Variants in SLC35D4 observed in about 807,000 individuals in gnomAD.
SLC35D4 encodes solute carrier family 35 member D4.
chr18:23,404,257 G>A, the SLC35D4 span, among the ~76,000 whole-genome samples: 8,318 of 152,224 alleles, frequency 0.055, 312 homozygotes, highest in South Asian at 0.19. Flanking sequence ...CTGAATCTGC[G>A]TCCCCTCAAA....
chr18:23,435,852 T>G, the SLC35D4 span, among the ~76,000 whole-genome samples: 20 of 150,346 alleles, frequency 1.3e-4, no homozygotes, highest in South Asian at 4.3e-4. Context: ...CCCACCACCA[T>G]GCCTGGCTAA....
chr18:23,257,493 G>A, the SLC35D4 span: 1 of 1,123,868 alleles, frequency 8.9e-7, no homozygotes, highest in Non-Finnish European at 1.2e-6. Context: ...GACATAGTTT[G>A]GGGAGAAGCA....
chr18:23,387,983 G>T, the SLC35D4 span, among the ~76,000 whole-genome samples: 1 of 152,086 alleles, frequency 6.6e-6, no homozygotes, highest in South Asian at 2.1e-4. Context: ...TCCAATTCTT[G>T]GCTTGAAAGG....
the SLC35D4 span, among the ~76,000 whole-genome samples, chr18:23,313,156 A>AAAAAAAAAAAAAAAAAAAAT: frequency 3.4e-5 from 5 of 146,524 alleles, no homozygotes; most frequent in Non-Finnish European, 3.0e-5. Context: ...AAAAAAAAAA[A>AAAAAAAAAAAAAAAAAAAAT]AGAACCTGAG....
At chr18:23,275,283 T>C in the SLC35D4 span, among the ~76,000 whole-genome samples, 1 of 152,154 alleles carries the variant, frequency 6.6e-6, no homozygotes, top group Admixed American at 6.5e-5. Context: ...CCTCCAGATT[T>C]TTCTGGCCCC....
chr18:23,374,885 C>T, the SLC35D4 span, among the ~76,000 whole-genome samples: 25 of 152,072 alleles, frequency 1.6e-4, no homozygotes, highest in African/African-American at 5.3e-4. Context: ...GAGGCCAAGG[C>T]GGGCAGACCA....
chr18:23,282,996 G>A, the SLC35D4 span, among the ~76,000 whole-genome samples: 2 of 151,338 alleles, frequency 1.3e-5, no homozygotes, highest in African/African-American at 4.9e-5. Context: ...TCCCAGCCAT[G>A]GCTGGAAAAG....
chr18:23,288,486 C>T, the SLC35D4 span, among the ~76,000 whole-genome samples: 1 of 151,896 alleles, frequency 6.6e-6, no homozygotes, highest in Non-Finnish European at 1.5e-5. Flanking sequence ...GCAAATTTGC[C>T]ATTCTACTAC....
At chr18:23,437,740 C>T in the SLC35D4 span, 2 of 1,589,950 alleles carry the variant, frequency 1.3e-6, no homozygotes, top group East Asian at 2.3e-5. Context: ...CGACTCAAAC[C>T]TCCCACGTGC....
chr18:23,396,463 A>G, the SLC35D4 span, among the ~76,000 whole-genome samples: 2 of 152,230 alleles, frequency 1.3e-5, no homozygotes, highest in Non-Finnish European at 2.9e-5. Flanking sequence ...ACTCAGAAAC[A>G]AAGAAAAGAT....
chr18:23,353,894 T>A, the SLC35D4 span, among the ~76,000 whole-genome samples: 1 of 152,136 alleles, frequency 6.6e-6, no homozygotes, highest in Non-Finnish European at 1.5e-5. Context: ...CCTCATCCTA[T>A]CTTAATGGAA....
the SLC35D4 span, among the ~76,000 whole-genome samples, chr18:23,293,456 T>C: frequency 6.6e-6 from 1 of 152,262 alleles, no homozygotes; most frequent in Non-Finnish European, 1.5e-5. Flanking sequence ...ATGTGATATT[T>C]TACATTCTTT....
chr18:23,411,932 T>G, the SLC35D4 span, among the ~76,000 whole-genome samples: 1 of 152,250 alleles, frequency 6.6e-6, no homozygotes, highest in Non-Finnish European at 1.5e-5. Flanking sequence ...TAGCTCTTCA[T>G]GGGTGCTGAA....
At chr18:23,308,778 A>G in the SLC35D4 span, among the ~76,000 whole-genome samples, 1 of 152,160 alleles carries the variant, frequency 6.6e-6, no homozygotes, top group African/African-American at 2.4e-5. Context: ...AAACAGGATC[A>G]TTTGGAGCTT....
At chr18:23,370,352 A>C in the SLC35D4 span, 25 of 1,335,850 alleles carry the variant, frequency 1.9e-5, no homozygotes, top group Middle Eastern at 3.7e-4. Flanking sequence ...CACATGGATA[A>C]AGGCTCCCAA....
chr18:23,266,210 G>A, the SLC35D4 span, among the ~76,000 whole-genome samples: 1 of 152,110 alleles, frequency 6.6e-6, no homozygotes, highest in South Asian at 2.1e-4. Flanking sequence ...GCAGGAAAAG[G>A]TTCCAGAGCT....
chr18:23,306,065 A>G, the SLC35D4 span, among the ~76,000 whole-genome samples: 2 of 152,108 alleles, frequency 1.3e-5, no homozygotes, highest in African/African-American at 2.4e-5. Context: ...CAAAAATAAC[A>G]CTGTTGTTTC....
chr18:23,409,948 C>T, the SLC35D4 span, among the ~76,000 whole-genome samples: 9 of 151,764 alleles, frequency 5.9e-5, no homozygotes, highest in Admixed American at 2.6e-4. Context: ...CTACTACTGA[C>T]GTAGCATTTA....
the SLC35D4 span, among the ~76,000 whole-genome samples, chr18:23,437,349 G>C: frequency 0.27 from 41,659 of 152,024 alleles, 6,255 homozygotes; most frequent in East Asian, 0.4. Context: ...GGGGGAGACG[G>C]CTTAATCTCT....
Sources: allele counts gnomAD v4.1 joint callset (sites outside exome capture counted in the v4.1 genomes callset), GRCh38; gene constraint gnomAD v4.1.1; transcripts MANE v1.5; gene names NCBI Gene and HGNC (gene_info 2026-07-23, HGNC 2026-07-21).